Variants in CHST15 observed in about 807,000 individuals in gnomAD.
CHST15 encodes the protein B cell RAG associated protein (GALNAC4S-6ST).
CHST15 carries 30 observed loss-of-function variants against 53.6 expected under a neutral mutation model. The ratio of observed to expected loss-of-function variants is 0.56; its 90% CI spans 0.42 to 0.76. CHST15 has a LOEUF of 0.76. CHST15 is among the 30% of genes least tolerant of loss of function. The pLI is 0.00. For synonymous variants in CHST15, 296 were observed against 289.8 expected (o/e 1.02, Z -0.22); for missense variants, 627 against 740.5 (o/e 0.85, Z 1.78).
chr10:124,021,178 G>A (rs1279265147), intron 6 of CHST15, 78 bp downstream of exon 6: 1 of 1,482,538 alleles, frequency 6.7e-7, no homozygotes, highest in Non-Finnish European at 9.0e-7. Flanking sequence ...AACCCACAAT[G>A]CCGCTTGCAT....
chr10:124,063,271 T>C (rs533684056), intron 1 of CHST15, among the ~76,000 whole-genome samples: 2 of 152,116 alleles, frequency 1.3e-5, no homozygotes, highest in East Asian at 3.9e-4. Flanking sequence ...TAATCCCAGC[T>C]ACTCGGGAGG....
Position 124,012,421 on chromosome 10 carries a change from G to C in CHST15, c.1407C>G (p.Asp469Glu), listed in dbSNP as rs1417387316. The C allele has an allele frequency of 6.2e-7, 1 of 1,614,028 alleles. No homozygotes were observed. Among genetic ancestry groups the C allele is most frequent in the African/African-American group, 1.3e-5 (1 of 74,908 alleles). The change falls in exon 7 of 8, where the codon GAC becomes GAG. Residue 469 changes from aspartate (D) to glutamate (E), a missense_variant. Coordinates refer to ENST00000435907, the MANE Select transcript of CHST15 (RefSeq NM_001270764.2). ...VYLLDWLSVF[D>E]KQQFLILRLE... is the part of the protein sequence containing the mutation. The stretch of plus-strand genomic sequence containing the variant: ...GGCGAAGAATGAGAAACTGTTGCTT[G>C]TCAAAAACGCTGAGCCAGTCCAGAA...
At chr10:124,047,523 G>C (rs957403465) in intron 1 of CHST15, among the ~76,000 whole-genome samples, 3 of 152,176 alleles carry the variant, frequency 2.0e-5, no homozygotes, top group African/African-American at 7.2e-5. Context: ...ACACTTCTTT[G>C]TAGATGTCGT....
rs554833440 is a variant in CHST15 at position 124,009,075 on chromosome 10, C to T, written c.*1074G>A. 18 of 1,279,478 alleles carry T rather than the reference C, an allele frequency of 1.4e-5. No individual in the cohort carries two copies. The highest frequency in any genetic ancestry group is 1.8e-5 in the Non-Finnish European group (18 of 980,808). The allele number at this position is 1,279,478 out of a possible 1,614,324, so 79.3% of individuals were successfully genotyped here. On this transcript the variant is annotated 3_prime_UTR_variant, in exon 8 of 8. Transcript: ENST00000435907. The stretch of plus-strand genomic sequence containing the variant: ...CTTGCTGGGTGAGGAACTTTGACCA[C>T]ACGCAGTGGAGAATGTGGAAATAAA...
chr10:124,014,335 G>A (rs1422353642), intron 6 of CHST15, among the ~76,000 whole-genome samples: 1 of 152,204 alleles, frequency 6.6e-6, no homozygotes, highest in African/African-American at 2.4e-5. Flanking sequence ...GGCAAAATAT[G>A]TACAGATGCT....
chr10:124,079,272 A>G (rs1233114495), intron 1 of CHST15, among the ~76,000 whole-genome samples: 2 of 152,264 alleles, frequency 1.3e-5, no homozygotes, highest in Non-Finnish European at 2.9e-5. Context: ...AAACTTTGCA[A>G]TGTGACAAAG....
At position 124,007,679 on chromosome 10, in the gene CHST15, G is replaced by A. The variant is rs1946307282; in HGVS notation, c.*2470C>T. ...GCACCAGGAAGAGCTTGGCTGCAGA[G>A]GAAGAGCACGCGCTCCACAGGCGTC... On this transcript the variant is annotated 3_prime_UTR_variant, in exon 8 of 8. Transcript: ENST00000435907. The A allele has an allele frequency of 1.9e-5, 23 of 1,217,402 alleles. No homozygotes were observed. In the South Asian group the frequency reaches 8.6e-4, roughly 45 times the overall value. 75.4% of individuals were successfully genotyped at this position (1,217,402 alleles called of 1,614,324 possible). A position where few individuals can be genotyped will look rare whatever the true frequency, so the allele number is the denominator to read the frequency against.
Position 124,019,239 on chromosome 10 carries a change from G to C in CHST15, c.1347+2017C>G, listed in dbSNP as rs557507927. Among the ~76,000 whole-genome samples, 1 of 152,106 alleles carries C rather than the reference G, an allele frequency of 6.6e-6. No individual in the cohort carries two copies. Among genetic ancestry groups the C allele is most frequent in the Non-Finnish European group, 1.5e-5 (1 of 68,020 alleles). The stretch of plus-strand genomic sequence containing the variant: ...CTGGAAGAAACCACAACCCCACCTT[G>C]AGGCGTCATGCCAGCGCCCCTTTCC... On this transcript the variant is annotated intron_variant, in intron 6 of 7. Transcript: ENST00000435907. This position sits in a 1 kb window ranked among gnomAD's most constrained non-coding sequence, Gnocchi z 4.6.
intron 1 of CHST15, among the ~76,000 whole-genome samples, chr10:124,067,850 C>T (rs1202134306): frequency 2.6e-5 from 4 of 152,114 alleles, no homozygotes; most frequent in Admixed American, 6.6e-5. Context: ...CACCTGATCT[C>T]GTGATCCGCT....
At chr10:124,050,688 C>G (rs1948158815) in intron 1 of CHST15, among the ~76,000 whole-genome samples, 1 of 152,192 alleles carries the variant, frequency 6.6e-6, no homozygotes, top group African/African-American at 2.4e-5. Context: ...GACCTGATTT[C>G]AGAGGGGACG....
In CHST15 at chr10:124,076,065, G is replaced by A. The variant is rs114577581; in HGVS notation, c.-513+17404C>T. Among the ~76,000 whole-genome samples, 528 of 152,308 alleles carry A rather than the reference G, an allele frequency of 3.5e-3. 1 individual carries two copies. The highest frequency in any genetic ancestry group is 0.012 in the African/African-American group (494 of 41,562). On this transcript the variant is annotated intron_variant, in intron 1 of 7. Transcript: ENST00000435907. ...AGCTCACAGGGAGGACATCAGGGATGAAAAGCCAGGGGAGATGGGCTGCCC... is the reference window on the plus strand; with the variant it reads ...AGCTCACAGGGAGGACATCAGGGATAAAAAGCCAGGGGAGATGGGCTGCCC...
intron 1 of CHST15, among the ~76,000 whole-genome samples, chr10:124,090,811 C>T (rs1949581643): frequency 6.6e-6 from 1 of 152,216 alleles, no homozygotes; most frequent in African/African-American, 2.4e-5. Context: ...CACATGTGAC[C>T]ACTGTGGGCC....
chr10:124,010,975 T>A, intron 7 of CHST15: 1 of 985,120 alleles, frequency 1.0e-6, no homozygotes, highest in Non-Finnish European at 1.2e-6. Flanking sequence ...CCCCGCCCTC[T>A]GGAGTGAGGC....
At position 124,021,245 on chromosome 10, in the gene CHST15, G is replaced by C. The variant is rs748939209; in HGVS notation, c.1347+11C>G. ...GCCAGCTCGGGGGGTACGGGGGGGGGGGGTACACACAGGCATGGCGTTGTT... is the reference window on the plus strand; with the variant it reads ...GCCAGCTCGGGGGGTACGGGGGGGGCGGGTACACACAGGCATGGCGTTGTT... On this transcript the variant is annotated intron_variant, in intron 6 of 7. Transcript: ENST00000435907. 5.4e-5 allele frequency: 84 copies of C among 1,568,864 alleles called. No individual in the cohort carries two copies. Among genetic ancestry groups the C allele is most frequent in the African/African-American group, 2.0e-4 (15 of 74,156 alleles).
intron 4 of CHST15, among the ~76,000 whole-genome samples, chr10:124,039,627 C>T (rs770542804): frequency 6.6e-6 from 1 of 152,206 alleles, no homozygotes; most frequent in African/African-American, 2.4e-5. Context: ...ATGGTCCTCA[C>T]GAGTGAAGGA....
intron 6 of CHST15, among the ~76,000 whole-genome samples, chr10:124,013,361 C>G (rs1459296177): frequency 6.6e-6 from 1 of 152,198 alleles, no homozygotes; most frequent in African/African-American, 2.4e-5. Flanking sequence ...ACCCCCAAGG[C>G]TTGGCCTGGC....
intron 1 of CHST15, among the ~76,000 whole-genome samples, chr10:124,087,387 G>T (rs535475196): frequency 1.3e-5 from 2 of 152,282 alleles, no homozygotes; most frequent in East Asian, 1.9e-4. Flanking sequence ...TCCGGCAGGG[G>T]CGTATTCTGT....
chr10:124,069,811 C>T (rs1363786953), intron 1 of CHST15, among the ~76,000 whole-genome samples: 2 of 152,192 alleles, frequency 1.3e-5, no homozygotes, highest in Non-Finnish European at 2.9e-5. Context: ...TCTCTCATTG[C>T]CTGCCTTTAA....
intron 5 of CHST15, among the ~76,000 whole-genome samples, chr10:124,032,649 T>C (rs545839393): frequency 4.6e-5 from 7 of 152,306 alleles, no homozygotes; most frequent in Admixed American, 4.6e-4. Context: ...GTGGCTTCTT[T>C]TTAATTAACT....
Sources: gnomAD v4.1 joint callset for allele counts (sites outside exome capture counted in the v4.1 genomes callset) on GRCh38, gnomAD v4.1.1 for gene constraint, Gnocchi (gnomAD v3.1) non-coding constraint, MANE v1.5 for transcripts, NCBI Gene and HGNC (gene_info 2026-07-23, HGNC 2026-07-21) for gene names.